The following IGSF11 variants were observed in gnomAD, a reference collection of about 807,000 sequenced individuals.
IGSF11 encodes the protein CXADR like 1.
Under a neutral mutation model 41.0 loss-of-function variants are expected in IGSF11, and 22 were observed. The observed-to-expected ratio is 0.54, with a 90% CI of 0.38 to 0.77. The LOEUF is 0.77. Ranked by LOEUF, IGSF11 falls within the 30% of genes least tolerant of loss-of-function variation. IGSF11 has a pLI of 0.00. For missense variants in IGSF11, 444 were observed against 530.8 expected, an observed-to-expected ratio of 0.84 and a Z score of 1.61; for synonymous variants, 219 against 201.3, an observed-to-expected ratio of 1.09 and a Z score of -0.74.
At chr3:118,947,645 G>GATT (rs748682691) in intron 1 of IGSF11, 1 of 152,146 alleles carries the variant, frequency 6.6e-6, no homozygotes, top group South Asian at 2.1e-4. Flanking sequence ...ACTTCTCAAT[G>GATT]ATTTCTGATA....
At position 118,913,006 on chromosome 3, in the gene IGSF11, G is replaced by A. The variant is rs1040684036; in HGVS notation, c.581-7288C>T. 3.3e-5 allele frequency among the ~76,000 whole-genome samples: 5 copies of A among 151,464 alleles called. 1 individual carries two copies. The highest frequency in any genetic ancestry group is 1.9e-4 in the East Asian group (1 of 5,132). On this transcript the variant is annotated intron_variant, in intron 4 of 6. Transcript: ENST00000393775. ...CAGAACGAGACTCCATCTCTTAAAAGAAGGAAAGAAAAGAAGAAAATAAAT... is the reference window on the plus strand; with the variant it reads ...CAGAACGAGACTCCATCTCTTAAAAAAAGGAAAGAAAAGAAGAAAATAAAT...
chr3:119,116,911 A>G (rs540913710), intron 1 of IGSF11, among the ~76,000 whole-genome samples: 9 of 152,198 alleles, frequency 5.9e-5, no homozygotes, highest in Admixed American at 1.3e-4. Flanking sequence ...CTGCAGGAGG[A>G]AAGCTTTGAC....
intron 1 of IGSF11, among the ~76,000 whole-genome samples, chr3:119,133,289 T>A (rs1316114593): frequency 6.6e-6 from 1 of 152,034 alleles, no homozygotes; most frequent in Non-Finnish European, 1.5e-5. Context: ...GCTGGTTTTT[T>A]GAAAAGATCA....
chr3:119,042,043 A>G (rs998525731), intron 1 of IGSF11, among the ~76,000 whole-genome samples: 1 of 152,200 alleles, frequency 6.6e-6, no homozygotes, highest in African/African-American at 2.4e-5. Flanking sequence ...TTAGTCCCCT[A>G]ATATATATAT....
intron 1 of IGSF11, among the ~76,000 whole-genome samples, chr3:118,937,584 TA>T: frequency 6.6e-6 from 1 of 152,222 alleles, no homozygotes; most frequent in African/African-American, 2.4e-5. Context: ...AAATGAAGAG[TA>T]ATAGCTGACT....
At chr3:118,914,594 C>T (rs1242790662) in intron 4 of IGSF11, among the ~76,000 whole-genome samples, 4 of 150,080 alleles carry the variant, frequency 2.7e-5, no homozygotes, top group African/African-American at 7.3e-5. Flanking sequence ...ACACCTGGCT[C>T]GGAGGGTCCT....
intron 1 of IGSF11, among the ~76,000 whole-genome samples, chr3:119,060,890 T>C (rs906368807): frequency 1.3e-5 from 2 of 152,170 alleles, no homozygotes; most frequent in Non-Finnish European, 2.9e-5. Flanking sequence ...TACAGACATA[T>C]AAAATTAAAT....
At chr3:119,125,487 C>T (rs1047559893) in intron 1 of IGSF11, among the ~76,000 whole-genome samples, 2 of 151,652 alleles carry the variant, frequency 1.3e-5, no homozygotes, top group Non-Finnish European at 2.9e-5. Context: ...TTCACAAGGG[C>T]GGGGAGGAAT....
chr3:119,048,964 C>T (rs1354077471), intron 1 of IGSF11, among the ~76,000 whole-genome samples: 1 of 152,106 alleles, frequency 6.6e-6, no homozygotes, highest in Non-Finnish European at 1.5e-5. Context: ...ATGGTAAAAA[C>T]TCTCAATAAA....
At chr3:119,034,895 C>T (rs1004472213), upstream of IGSF11, 5 of 1,088,510 alleles carry the variant, frequency 4.6e-6, no homozygotes, top group Admixed American at 4.7e-5. Context: ...AACTCACGCC[C>T]CGCTACTCCA....
intron 1 of IGSF11, among the ~76,000 whole-genome samples, chr3:118,977,045 T>C (rs1306719752): frequency 6.6e-6 from 1 of 152,252 alleles, no homozygotes. Context: ...AAAAAATATT[T>C]GATCCACAGC....
At chr3:119,131,134 C>T (rs181360728) in intron 1 of IGSF11, among the ~76,000 whole-genome samples, 14 of 152,214 alleles carry the variant, frequency 9.2e-5, no homozygotes, top group East Asian at 5.8e-4. Flanking sequence ...AACACAAGAG[C>T]GCCTCTTCCC....
At chr3:119,053,667 C>A (rs896097758) in intron 1 of IGSF11, among the ~76,000 whole-genome samples, 1 of 152,022 alleles carries the variant, frequency 6.6e-6, no homozygotes, top group African/African-American at 2.4e-5. Context: ...AAAAAATAAT[C>A]CTAAAATTTG....
chr3:119,042,228 G>A lies in IGSF11; in HGVS notation c.49+62916C>T, dbSNP rs116545582. Among the ~76,000 whole-genome samples, 165 of 152,334 alleles carry A rather than the reference G, an allele frequency of 1.1e-3. No homozygotes were observed. The Middle Eastern group carries it at 0.014, about 13-fold the overall frequency. ...GCCTTATCTGACAGAGGTCCTTGGG[G>A]AAGAGAAGGCAGCCAGCAGAATCAG... On this transcript the variant is annotated intron_variant, in intron 1 of 6. Coordinates refer to the IGSF11 transcript ENST00000354673.
At chr3:118,962,864 A>T (rs1945434647) in intron 1 of IGSF11, among the ~76,000 whole-genome samples, 1 of 152,124 alleles carries the variant, frequency 6.6e-6, no homozygotes, top group South Asian at 2.1e-4. Flanking sequence ...AAGGAGGAAA[A>T]CAGTAATTAC....
chr3:119,111,980 G>C, intron 1 of IGSF11, among the ~76,000 whole-genome samples: 1 of 152,214 alleles, frequency 6.6e-6, no homozygotes, highest in East Asian at 1.9e-4. Context: ...ACCCAGCTGT[G>C]TGAGGTGTCA....
chr3:119,056,755 A>G (rs1442070145), intron 1 of IGSF11, among the ~76,000 whole-genome samples: 2 of 152,196 alleles, frequency 1.3e-5, no homozygotes, highest in Non-Finnish European at 2.9e-5. Context: ...CCAGCAGCAC[A>G]TCAAAAAGCT....
chr3:118,923,977 T>C (rs887601692), intron 4 of IGSF11, among the ~76,000 whole-genome samples: 1 of 152,194 alleles, frequency 6.6e-6, no homozygotes, highest in Non-Finnish European at 1.5e-5. Context: ...TGTGGGGACA[T>C]ACTTTGTAAC....
chr3:119,087,259 A>G (rs753606432), intron 1 of IGSF11, among the ~76,000 whole-genome samples: 1 of 152,216 alleles, frequency 6.6e-6, no homozygotes, highest in Non-Finnish European at 1.5e-5. Context: ...AAGTCATTAT[A>G]TGAAAAAGAT....
Sources: gnomAD v4.1 joint callset for allele counts (sites outside exome capture counted in the v4.1 genomes callset) on GRCh38, gnomAD v4.1.1 for gene constraint, MANE v1.5 for transcripts, NCBI Gene and HGNC (gene_info 2026-07-23, HGNC 2026-07-21) for gene names.